The following MEF2A variants were observed in gnomAD, a reference collection of about 807,000 sequenced individuals.
The protein encoded by MEF2A is myocyte-specific enhancer factor 2A.
MEF2A carries 28 observed loss-of-function variants against 55.8 expected under a neutral mutation model. The ratio of observed to expected loss-of-function variants is 0.50; its 90% CI spans 0.37 to 0.69. MEF2A has a LOEUF of 0.69. Among genes scored for constraint, MEF2A ranks in the 30% least tolerant of loss-of-function variants. MEF2A has a pLI of 0.00. For synonymous variants in MEF2A, 239 were observed against 227.1 expected (o/e 1.05, Z -0.47); for missense variants, 528 against 626.2 (o/e 0.84, Z 1.67).
intron 7 of MEF2A, among the ~76,000 whole-genome samples, chr15:99,687,740 A>G (rs2054570239): frequency 6.6e-6 from 1 of 152,158 alleles, no homozygotes. Flanking sequence ...TAGTTTGCCC[A>G]TATTGTGAGT....
intron 11 of MEF2A, 103 bp downstream of exon 11, chr15:99,710,863 C>A: frequency 7.5e-7 from 1 of 1,327,178 alleles, no homozygotes; most frequent in Non-Finnish European, 1.0e-6. Flanking sequence ...TGTGAGGAAT[C>A]CTGTAATGAT....
rs1555454159 is a variant in MEF2A at position 99,601,509 on chromosome 15, A to AG, written c.-143+2999dup. ...GAGTTTTTCACCAGGTCTTGGTCAG[A>AG]GTTTTTTTTTTTTTTTTTTTCGTTT... On this transcript the variant is annotated intron_variant, in intron 2 of 11. Transcript: ENST00000557942. Among the ~76,000 whole-genome samples, 9 of 110,874 alleles carry AG rather than the reference A, an allele frequency of 8.1e-5. No individual in the cohort carries two copies. In the South Asian group the frequency reaches 3.0e-3, roughly 37 times the overall value. The allele number at this position is 110,874 out of a possible 152,430, so 72.7% of individuals were successfully genotyped here.
intron 2 of MEF2A, among the ~76,000 whole-genome samples, chr15:99,601,108 C>T (rs1026417203): frequency 2.6e-5 from 4 of 152,130 alleles, no homozygotes; most frequent in African/African-American, 9.7e-5. Context: ...TGGTCTGACA[C>T]ATAGTTTGTT....
intron 4 of MEF2A, among the ~76,000 whole-genome samples, chr15:99,668,605 T>A (rs964131922): frequency 6.6e-6 from 1 of 152,240 alleles, no homozygotes; most frequent in African/African-American, 2.4e-5. Flanking sequence ...GATGCATTTT[T>A]CTACTTTTTC....
At chr15:99,654,980 A>G (rs1444052225) in intron 4 of MEF2A, among the ~76,000 whole-genome samples, 1 of 152,188 alleles carries the variant, frequency 6.6e-6, no homozygotes, top group African/African-American at 2.4e-5. Context: ...TCCACAGCAG[A>G]TGTTCTAAAA....
intron 2 of MEF2A, among the ~76,000 whole-genome samples, chr15:99,600,017 A>T (rs188753673): frequency 6.6e-6 from 1 of 152,138 alleles, no homozygotes; most frequent in Non-Finnish European, 1.5e-5. Context: ...TTTGGTATCC[A>T]TGGAGGATCC....
chr15:99,706,674 T>G, intron 9 of MEF2A, 55 bp from the exon 10 acceptor site: 1 of 1,584,866 alleles, frequency 6.3e-7, no homozygotes, highest in Middle Eastern at 1.7e-4. Flanking sequence ...AAAGTGATTT[T>G]TAAGTCAACA....
At chr15:99,669,938 C>G (rs1031877965) in intron 4 of MEF2A, among the ~76,000 whole-genome samples, 1 of 152,132 alleles carries the variant, frequency 6.6e-6, no homozygotes, top group Non-Finnish European at 1.5e-5. Context: ...AGTGATCAAG[C>G]TTTGTTTCCT....
At chr15:99,670,467 G>A (rs539557767) in intron 4 of MEF2A, among the ~76,000 whole-genome samples, 16 of 152,172 alleles carry the variant, frequency 1.1e-4, no homozygotes, top group South Asian at 4.1e-4. Context: ...AAAATTAGCC[G>A]GGCGTGGTGG....
At chr15:99,616,646 G>A (rs545745572) in intron 2 of MEF2A, among the ~76,000 whole-genome samples, 1 of 152,134 alleles carries the variant, frequency 6.6e-6, no homozygotes, top group East Asian at 1.9e-4. Flanking sequence ...GCCCTTTGCA[G>A]AGAGATTTAG....
rs561674293 is a variant in MEF2A at position 99,574,207 on chromosome 15, T to C, written c.-225+8103T>C. On this transcript the variant is annotated intron_variant, in intron 1 of 11. Coordinates refer to ENST00000557942, the MANE Select transcript of MEF2A (RefSeq NM_001319206.4). ...TCTCTTTTTATATTTGCAGAGTGGG[T>C]ACAAAGTCTGGAAACAGAGATTATT... 2.0e-5 allele frequency among the ~76,000 whole-genome samples: 3 copies of C among 152,310 alleles called. No individual in the cohort carries two copies. The South Asian group carries it at 6.2e-4, about 32-fold the overall frequency.
chr15:99,704,813 C>G (rs138239845), intron 9 of MEF2A, among the ~76,000 whole-genome samples: 29 of 152,276 alleles, frequency 1.9e-4, no homozygotes, highest in African/African-American at 7.0e-4. Context: ...AGATCTCTAT[C>G]TCGAAAAGTC....
chr15:99,706,715 T>C lies in MEF2A; in HGVS notation c.883-14T>C. The C allele has an allele frequency of 6.2e-7, 1 of 1,611,596 alleles. No individual in the cohort carries two copies. Among genetic ancestry groups the C allele is most frequent in the Non-Finnish European group, 8.5e-7 (1 of 1,177,652 alleles). Reference sequence around the variant, plus strand: ...ACCACATCAGAACACATTTTCTCTTTTTTGATCTCACAGAATACCCAGAGG... The same window carrying C: ...ACCACATCAGAACACATTTTCTCTTCTTTGATCTCACAGAATACCCAGAGG... On this transcript the variant is annotated splice_polypyrimidine_tract_variant and intron_variant, in intron 9 of 11. Transcript: ENST00000557942.
At chr15:99,644,687 A>C (rs2045645347) in intron 3 of MEF2A, among the ~76,000 whole-genome samples, 1 of 152,174 alleles carries the variant, frequency 6.6e-6, no homozygotes, top group Non-Finnish European at 1.5e-5. Flanking sequence ...CCTTTCAAAA[A>C]CTGTTTTTTA....
At chr15:99,705,665 A>G (rs977487297) in intron 9 of MEF2A, among the ~76,000 whole-genome samples, 1 of 152,230 alleles carries the variant, frequency 6.6e-6, no homozygotes, top group African/African-American at 2.4e-5. Flanking sequence ...GTAAGTGTCT[A>G]CATCTAGCCA....
At chr15:99,680,192 C>T (rs1372691392) in intron 7 of MEF2A, among the ~76,000 whole-genome samples, 4 of 152,084 alleles carry the variant, frequency 2.6e-5, no homozygotes, top group African/African-American at 9.7e-5. Flanking sequence ...AGGAAAAAAG[C>T]AAGATAAAAT....
At chr15:99,623,805 G>GTT (rs376836592) in intron 2 of MEF2A, among the ~76,000 whole-genome samples, 12 of 139,102 alleles carry the variant, frequency 8.6e-5, no homozygotes, top group Non-Finnish European at 6.3e-5. Context: ...ATGATCTGCC[G>GTT]TTTTTTTTTT....
At chr15:99,621,800 A>G (rs1179306370) in intron 2 of MEF2A, among the ~76,000 whole-genome samples, 1 of 152,158 alleles carries the variant, frequency 6.6e-6, no homozygotes, top group East Asian at 1.9e-4. Context: ...TTTATTTCTT[A>G]AAGGAGTTCA....
chr15:99,615,742 A>G (rs936717525), intron 2 of MEF2A, among the ~76,000 whole-genome samples: 2 of 152,180 alleles, frequency 1.3e-5, no homozygotes, highest in African/African-American at 4.8e-5. Flanking sequence ...AGACAAACCA[A>G]ACAGAATGAC....
Sources: allele counts gnomAD v4.1 joint callset (sites outside exome capture counted in the v4.1 genomes callset), GRCh38; gene constraint gnomAD v4.1.1; transcripts MANE v1.5; gene names NCBI Gene and HGNC (gene_info 2026-07-23, HGNC 2026-07-21).